Variants in CTNNA3 observed in about 807,000 individuals in gnomAD.
The protein encoded by CTNNA3 is catenin alpha 3.
In CTNNA3, 76 loss-of-function variants were observed where a neutral mutation model predicts 95.7. The ratio of observed to expected loss-of-function variants is 0.79; its 90% CI spans 0.66 to 0.96. The LOEUF is 0.96. Ranked by LOEUF, CTNNA3 falls within the 40% of genes least tolerant of loss-of-function variation. The probability of loss-of-function intolerance (pLI) is 0.00; values close to 1 mark genes in which losing one functional copy is unlikely to be tolerated. For missense variants in CTNNA3, 1,191 were observed against 1,089.8 expected, an observed-to-expected ratio of 1.09 and a Z score of -1.31; for synonymous variants, 431 against 374.4, an observed-to-expected ratio of 1.15 and a Z score of -1.74.
At chr10:66,415,719 G>A (rs1029629418) in intron 11 of CTNNA3, among the ~76,000 whole-genome samples, 1 of 152,120 alleles carries the variant, frequency 6.6e-6, no homozygotes, top group Admixed American at 6.5e-5. Context: ...CACCAAGGAA[G>A]TCTCAGATAT....
At chr10:67,271,555 G>A (rs933079952) in intron 5 of CTNNA3, among the ~76,000 whole-genome samples, 9 of 152,080 alleles carry the variant, frequency 5.9e-5, no homozygotes, top group African/African-American at 1.2e-4. Flanking sequence ...ATGTGAGAAC[G>A]GACTAATACA....
In CTNNA3 at chr10:65,914,754, A is replaced by G. The variant is rs1311097070; in HGVS notation, c.*5576T>C. On this transcript the variant is annotated 3_prime_UTR_variant, in exon 18 of 18. Transcript: ENST00000433211. Reference sequence around the variant, plus strand: ...CATTGAAGCTTTCTTCTCCATGGTAATAAAAGTAATTTGGCAAAGGTTGTC... The same window carrying G: ...CATTGAAGCTTTCTTCTCCATGGTAGTAAAAGTAATTTGGCAAAGGTTGTC... 2.0e-5 allele frequency: 3 copies of G among 152,192 alleles called. No individual in the cohort carries two copies. The highest frequency in any genetic ancestry group is 6.6e-5 in the Admixed American group (1 of 15,264). The allele number at this position is 152,192 out of a possible 1,614,324, so 9.4% of individuals were successfully genotyped here.
chr10:67,730,530 A>G (rs1841268502), intron 1 of CTNNA3, among the ~76,000 whole-genome samples: 1 of 152,204 alleles, frequency 6.6e-6, no homozygotes, highest in East Asian at 1.9e-4. Flanking sequence ...ATGAAAGAGG[A>G]AGACATGATC....
At chr10:66,034,693 C>T (rs1318061445) in intron 15 of CTNNA3, among the ~76,000 whole-genome samples, 1 of 152,052 alleles carries the variant, frequency 6.6e-6, no homozygotes, top group African/African-American at 2.4e-5. Context: ...CTTTAATAGC[C>T]ACTTACATTC....
At position 66,787,500 on chromosome 10, in the gene CTNNA3, C is replaced by G. The variant is rs138238258; in HGVS notation, c.1048-11976G>C. Among the ~76,000 whole-genome samples the G allele has an allele frequency of 5.4e-3, 824 of 152,220 alleles. 7 individuals carry two copies. The highest frequency in any genetic ancestry group is 0.019 in the African/African-American group (782 of 41,542). On this transcript the variant is annotated intron_variant, in intron 7 of 17. Coordinates refer to ENST00000433211, the MANE Select transcript of CTNNA3 (RefSeq NM_013266.4). ...GGCTTTTCTCTTTCTCCTTCTGCCTCTGTCTCTCCTTCCTCTCCGGGAAGT... is the reference window on the plus strand; with the variant it reads ...GGCTTTTCTCTTTCTCCTTCTGCCTGTGTCTCTCCTTCCTCTCCGGGAAGT...
intron 12 of CTNNA3, among the ~76,000 whole-genome samples, chr10:66,352,968 A>G (rs2092578500): frequency 6.6e-6 from 1 of 152,040 alleles, no homozygotes. Context: ...AGCAAGTTTT[A>G]TTTCTCAAGC....
intron 3 of CTNNA3, among the ~76,000 whole-genome samples, chr10:67,605,532 A>C (rs1314870719): frequency 6.6e-6 from 1 of 152,190 alleles, no homozygotes; most frequent in Non-Finnish European, 1.5e-5. Flanking sequence ...TACACACACA[A>C]AAAAATGGGT....
chr10:67,537,322 C>T (rs1295016837), intron 4 of CTNNA3, among the ~76,000 whole-genome samples: 1 of 152,124 alleles, frequency 6.6e-6, no homozygotes, highest in Non-Finnish European at 1.5e-5. Flanking sequence ...GAGCAAGTTA[C>T]TTAAATTCAA....
intron 7 of CTNNA3, among the ~76,000 whole-genome samples, chr10:67,059,765 C>T (rs1313236156): frequency 1.3e-5 from 2 of 151,996 alleles, no homozygotes; most frequent in Non-Finnish European, 2.9e-5. Flanking sequence ...TTCAGTTTAG[C>T]TATGTTAATC....
chr10:66,535,765 C>T (rs1389608972), intron 10 of CTNNA3, among the ~76,000 whole-genome samples: 2 of 152,106 alleles, frequency 1.3e-5, no homozygotes, highest in Non-Finnish European at 2.9e-5. Context: ...GAGGCTACAG[C>T]AGCTGTGAAA....
intron 11 of CTNNA3, among the ~76,000 whole-genome samples, chr10:66,414,192 GT>G (rs1269464099): frequency 3.3e-5 from 5 of 152,090 alleles, no homozygotes; most frequent in Non-Finnish European, 5.9e-5. Context: ...TCAAAAATGG[GT>G]TTTGAAATGG....
chr10:66,396,081 C>A (rs1017236469), intron 11 of CTNNA3, among the ~76,000 whole-genome samples: 1 of 151,940 alleles, frequency 6.6e-6, no homozygotes, highest in Non-Finnish European at 1.5e-5. Context: ...TTAATGCCCT[C>A]CAGCAACATT....
intron 1 of CTNNA3, among the ~76,000 whole-genome samples, chr10:67,759,043 T>G (rs1220646359): frequency 6.6e-6 from 1 of 152,162 alleles, no homozygotes; most frequent in Non-Finnish European, 1.5e-5. Flanking sequence ...CTAGGATATA[T>G]CTTCAATCTT....
chr10:67,389,295 A>T (rs1478496104), intron 5 of CTNNA3, among the ~76,000 whole-genome samples: 1 of 151,352 alleles, frequency 6.6e-6, no homozygotes, highest in Non-Finnish European at 1.5e-5. Context: ...AAACCAACAA[A>T]GATCAAAACA....
At chr10:67,219,901 T>C (rs1441370160) in intron 5 of CTNNA3, 31 bp from the exon 6 acceptor site, 36 of 1,555,630 alleles carry the variant, frequency 2.3e-5, no homozygotes, top group Non-Finnish European at 3.2e-5. Flanking sequence ...AGTGGTATCT[T>C]ACAATGGGTT....
intron 3 of CTNNA3, among the ~76,000 whole-genome samples, chr10:67,588,283 T>C (rs1022918453): frequency 1.1e-4 from 16 of 152,186 alleles, no homozygotes; most frequent in African/African-American, 3.1e-4. Context: ...TTAGGTTTCC[T>C]GAATCTTTAC....
At chr10:66,926,118 G>A (rs1028505711) in intron 7 of CTNNA3, 28 of 458,818 alleles carry the variant, frequency 6.1e-5, no homozygotes, top group African/African-American at 4.0e-4. Context: ...TGCCTTCTGG[G>A]CTCCAACGCA....
At chr10:67,387,850 C>T (rs2132755605) in intron 5 of CTNNA3, among the ~76,000 whole-genome samples, 1 of 152,300 alleles carries the variant, frequency 6.6e-6, no homozygotes, top group South Asian at 2.1e-4. Context: ...GCTGAGGGTC[C>T]TGTCTGTTAG....
At chr10:67,565,994 A>T (rs1380021012) in intron 3 of CTNNA3, among the ~76,000 whole-genome samples, 1 of 113,930 alleles carries the variant, frequency 8.8e-6, no homozygotes, top group Non-Finnish European at 1.8e-5. Flanking sequence ...GTATATATAT[A>T]TTATATATAT....
Sources: gnomAD v4.1 joint callset for allele counts (sites outside exome capture counted in the v4.1 genomes callset) on GRCh38, gnomAD v4.1.1 for gene constraint, MANE v1.5 for transcripts, NCBI Gene and HGNC (gene_info 2026-07-23, HGNC 2026-07-21) for gene names.